DEPDC5: variants seen among roughly 807,000 people sequenced by gnomAD.
DEPDC5 encodes the protein GATOR1 complex protein DEPDC5.
A neutral mutation model predicts 217.3 loss-of-function variants in DEPDC5; 73 were observed. The ratio of observed to expected loss-of-function variants is 0.34; its 90% CI spans 0.28 to 0.41. The LOEUF (loss-of-function observed/expected upper bound fraction) is 0.41. Among genes scored for constraint, DEPDC5 ranks in the 10% least tolerant of loss-of-function variants. DEPDC5 has a pLI of 1.00. For missense variants in DEPDC5, 1,675 were observed against 2,070.1 expected (o/e 0.81, Z 3.70); for synonymous variants, 733 against 756.7 (o/e 0.97, Z 0.51).
At chr22:31,866,069 G>A (rs1345956093) in intron 33 of DEPDC5, among the ~76,000 whole-genome samples, 1 of 152,276 alleles carries the variant, frequency 6.6e-6, no homozygotes, top group Non-Finnish European at 1.5e-5. Flanking sequence ...AGAAAGTGGG[G>A]CTGTGACAAG....
At chr22:31,822,860 C>A in intron 24 of DEPDC5, 70 bp downstream of exon 24, 1 of 1,487,850 alleles carries the variant, frequency 6.7e-7, no homozygotes, top group Non-Finnish European at 9.3e-7. Flanking sequence ...GACACAAGGG[C>A]CAGAAAAGCA....
rs1394259793 is a variant in DEPDC5 at position 31,788,795 on chromosome 22, C to T, written c.625-3238C>T. On this transcript the variant is annotated intron_variant, in intron 10 of 42. Transcript: ENST00000651528. Reference sequence around the variant, plus strand: ...TTCACCATGTTGGCCAGGGTGGTCTCGAACTTCTGACCTCAGGTGATCCGC... The same window carrying T: ...TTCACCATGTTGGCCAGGGTGGTCTTGAACTTCTGACCTCAGGTGATCCGC... Among the ~76,000 whole-genome samples the T allele has an allele frequency of 3.9e-5, 6 of 151,984 alleles. 1 individual carries two copies. The South Asian group carries it at 1.2e-3, about 32-fold the overall frequency.
chr22:31,864,751 C>T (rs971386654), intron 33 of DEPDC5, among the ~76,000 whole-genome samples: 6 of 151,522 alleles, frequency 4.0e-5, no homozygotes, highest in African/African-American at 9.7e-5. Context: ...TGCAGTGGTG[C>T]GATCTCAGCC....
At chr22:31,859,486 G>A (rs1041652775) in intron 32 of DEPDC5, among the ~76,000 whole-genome samples, 9 of 151,332 alleles carry the variant, frequency 5.9e-5, no homozygotes, top group African/African-American at 1.9e-4. Flanking sequence ...CAGCCTCCCG[G>A]GTTCAAGCAA....
At position 31,870,698 on chromosome 22, in the gene DEPDC5, A is replaced by C. The variant is rs2092816522; in HGVS notation, c.3439A>C (p.Asn1147His). 7 of 1,600,938 alleles carry C rather than the reference A, an allele frequency of 4.4e-6. No individual in the cohort carries two copies. In the Admixed American group the frequency reaches 1.0e-4, roughly 24 times the overall value. ...GNSQTFGNSQ[N>H]IGEQGYSSTN... is the part of the protein sequence containing the mutation. Reference sequence around the variant, plus strand: ...CAGCCAGACCTTTGGGAACTCCCAGAACATAGGAGAACAGGGCTACTCCTC... The same window carrying C: ...CAGCCAGACCTTTGGGAACTCCCAGCACATAGGAGAACAGGGCTACTCCTC... Residue 1147 changes from asparagine to histidine, a missense_variant, in exon 34 of 43, where the codon AAC (asparagine) becomes CAC (histidine). By Grantham distance (68) the Asn-to-His change is moderately conservative. This residue lies in a region of DEPDC5 where 9 missense variants were observed against 25.7 expected (regional missense o/e 0.35). Coordinates refer to ENST00000651528, the MANE Select transcript of DEPDC5 (RefSeq NM_001242896.3).
chr22:31,859,693 G>A (rs1480656460), intron 32 of DEPDC5, among the ~76,000 whole-genome samples: 1 of 152,160 alleles, frequency 6.6e-6, no homozygotes, highest in Non-Finnish European at 1.5e-5. Context: ...ATGCGCAGCC[G>A]TAAAAACCAT....
intron 33 of DEPDC5, among the ~76,000 whole-genome samples, chr22:31,863,674 TTA>T (rs1320388571): frequency 6.6e-6 from 1 of 151,890 alleles, no homozygotes; most frequent in Non-Finnish European, 1.5e-5. Context: ...CATAAAAAAA[TTA>T]TATTAGGAGG....
intron 7 of DEPDC5, among the ~76,000 whole-genome samples, chr22:31,770,938 A>C (rs1018118227): frequency 6.6e-6 from 1 of 150,450 alleles, no homozygotes; most frequent in Non-Finnish European, 1.5e-5. Context: ...ACGTGCCACC[A>C]TGCCCGGCTA....
chr22:31,805,235 C>T (rs1170811040), intron 17 of DEPDC5: 1 of 170,418 alleles, frequency 5.9e-6, no homozygotes, highest in African/African-American at 2.4e-5. Flanking sequence ...CTAGAGAAGT[C>T]CCCGCGCCTC....
intron 20 of DEPDC5, among the ~76,000 whole-genome samples, chr22:31,811,553 G>GTT (rs772904154): frequency 5.1e-5 from 7 of 138,108 alleles, no homozygotes; most frequent in Non-Finnish European, 7.9e-5. Context: ...TATGGTAGTT[G>GTT]TTTTTTTTTT....
Position 31,843,066 on chromosome 22 carries a change from G to A in DEPDC5, c.2516-29G>A, listed in dbSNP as rs758060860. On this transcript the variant is annotated intron_variant, in intron 27 of 42. Coordinates refer to ENST00000651528, the MANE Select transcript of DEPDC5 (RefSeq NM_001242896.3). The stretch of plus-strand genomic sequence containing the variant: ...CTGTTATAGGAATGAGCTTCAAACA[G>A]ATGGAGGAAATTATTATTTTTCTGT... 6 of 1,551,942 alleles carry A rather than the reference G, an allele frequency of 3.9e-6. No homozygotes were observed. In the South Asian group the frequency reaches 6.8e-5, roughly 17 times the overall value.
chr22:31,830,882 A>G (rs1355464097), intron 24 of DEPDC5, among the ~76,000 whole-genome samples: 1 of 152,124 alleles, frequency 6.6e-6, no homozygotes, highest in Non-Finnish European at 1.5e-5. Context: ...TTGGCAGCCA[A>G]ACCTGGGAGG....
intron 33 of DEPDC5, 67 bp downstream of exon 33, chr22:31,861,500 A>C: frequency 1.3e-6 from 2 of 1,518,504 alleles, no homozygotes; most frequent in Non-Finnish European, 1.8e-6. Context: ...GCCTTCTGTT[A>C]GGCTCTGAAC....
intron 29 of DEPDC5, among the ~76,000 whole-genome samples, chr22:31,844,239 T>A (rs976100085): frequency 3.3e-5 from 5 of 150,638 alleles, no homozygotes; most frequent in Non-Finnish European, 5.9e-5. Context: ...AATAAATAAA[T>A]AAAAAAAAAT....
chr22:31,890,795 G>A lies in DEPDC5; in HGVS notation c.4034-2787G>A, dbSNP rs1355364759. On this transcript the variant is annotated intron_variant, in intron 38 of 42. Coordinates refer to ENST00000651528, the MANE Select transcript of DEPDC5 (RefSeq NM_001242896.3). ...GGCTAGAGTGCAATGGTGCGATCTC[G>A]GCTCACTGCAACCTTTGCCTCCCAG... 2.6e-5 allele frequency among the ~76,000 whole-genome samples: 4 copies of A among 151,672 alleles called. No individual in the cohort carries two copies. In the East Asian group the frequency reaches 7.8e-4, roughly 30 times the overall value.
rs989144768 is a variant in DEPDC5, at chr22:31,906,531, T to C, written c.*34T>C. 34 of 1,605,784 alleles carry C rather than the reference T, an allele frequency of 2.1e-5. No individual in the cohort carries two copies. The highest frequency in any genetic ancestry group is 2.6e-5 in the Non-Finnish European group (31 of 1,174,914). On this transcript the variant is annotated 3_prime_UTR_variant, in exon 43 of 43. Coordinates refer to ENST00000651528, the MANE Select transcript of DEPDC5 (RefSeq NM_001242896.3). This position sits in a 1 kb window ranked among gnomAD's most constrained non-coding sequence, Gnocchi z 5.1. ...TGCACCTGTGCTGGGGGAAGGTGGGTGAGCCACTGCCCTCAAACCCGGGGC... is the reference window on the plus strand; with the variant it reads ...TGCACCTGTGCTGGGGGAAGGTGGGCGAGCCACTGCCCTCAAACCCGGGGC...
Position 31,906,624 on chromosome 22 carries a change from T to C in DEPDC5, c.*127T>C, listed in dbSNP as rs2093764320. On this transcript the variant is annotated 3_prime_UTR_variant, in exon 43 of 43. Coordinates refer to ENST00000651528, the MANE Select transcript of DEPDC5 (RefSeq NM_001242896.3). This position sits in a 1 kb window ranked among gnomAD's most constrained non-coding sequence, Gnocchi z 5.1. Reference sequence around the variant, plus strand: ...TGCTATCAGTGAGTGGGGGCCATTGTTTTTTGTTTGTTTGTTTGTTTGTTT... The same window carrying C: ...TGCTATCAGTGAGTGGGGGCCATTGCTTTTTGTTTGTTTGTTTGTTTGTTT... 8.1e-7 allele frequency: 1 copy of C among 1,240,026 alleles called. No individual in the cohort carries two copies. Among genetic ancestry groups the C allele is most frequent in the Non-Finnish European group, 1.1e-6 (1 of 893,774 alleles). 76.8% of individuals were successfully genotyped at this position (1,240,026 alleles called of 1,614,324 possible).
intron 20 of DEPDC5, 106 bp downstream of exon 20, chr22:31,810,747 TGTTTTGTTTC>T: frequency 5.2e-6 from 8 of 1,537,968 alleles, no homozygotes; most frequent in Non-Finnish European, 7.0e-6. Context: ...TGTTTTGTTT[TGTTTTGTTTC>T]GTTTTGGTTT....
At chr22:31,850,679 A>C (rs1431072751) in intron 31 of DEPDC5, among the ~76,000 whole-genome samples, 1 of 152,262 alleles carries the variant, frequency 6.6e-6, no homozygotes, top group Admixed American at 6.5e-5. Context: ...TGAGAGGCCA[A>C]GTTGGGCAGA....
Sources: gnomAD v4.1 joint callset for allele counts (sites outside exome capture counted in the v4.1 genomes callset) on GRCh38, gnomAD v4.1.1 for gene constraint, gnomAD v4.1.1 regional missense constraint, Gnocchi (gnomAD v3.1) non-coding constraint, MANE v1.5 for transcripts, NCBI Gene and HGNC (gene_info 2026-07-23, HGNC 2026-07-21) for gene names.